The following AXIN2 variants were observed in gnomAD, a reference collection of about 807,000 sequenced individuals.
The protein encoded by AXIN2 is axin-2.
In AXIN2, 21 loss-of-function variants were observed where a neutral mutation model predicts 74.7. The ratio of observed to expected loss-of-function variants is 0.28; its 90% CI spans 0.20 to 0.40. The LOEUF is 0.40. Ranked by LOEUF, AXIN2 falls within the 10% of genes least tolerant of loss-of-function variation. The probability of loss-of-function intolerance (pLI) is 1.00; values close to 1 mark genes in which losing one functional copy is unlikely to be tolerated. For synonymous variants in AXIN2, 532 were observed against 454.9 expected, an observed-to-expected ratio of 1.17 and a Z score of -2.16; for missense variants, 1,144 against 1,111.1, an observed-to-expected ratio of 1.03 and a Z score of -0.42.
chr17:65,534,274 C>T (rs549946823), intron 9 of AXIN2, among the ~76,000 whole-genome samples, 195 bp from the exon 10 acceptor site: 14 of 152,250 alleles, frequency 9.2e-5, no homozygotes, highest in African/African-American at 1.4e-4. Flanking sequence ...CACAGTCCAA[C>T]CCCACATGTG....
At position 65,528,822 on chromosome 17, in the gene AXIN2, G is replaced by A. The variant is rs971051447; in HGVS notation, c.*1154C>T. Reference sequence around the variant, plus strand: ...GACACACGGAGCGGGTGACCGTGCAGGTACAGGTACTGTACTGATTTAAAG... The same window carrying A: ...GACACACGGAGCGGGTGACCGTGCAAGTACAGGTACTGTACTGATTTAAAG... On this transcript the variant is annotated 3_prime_UTR_variant, in exon 11 of 11. Transcript: ENST00000307078. The A allele has an allele frequency of 1.1e-5, 5 of 465,998 alleles. No homozygotes were observed. Among genetic ancestry groups the A allele is most frequent in the African/African-American group, 2.0e-5 (1 of 50,820 alleles). The allele number at this position is 465,998 out of a possible 1,614,324, so 28.9% of individuals were successfully genotyped here.
In AXIN2 at chr17:65,538,303, G is replaced by T. The variant is rs1330131800; in HGVS notation, c.1100C>A (p.Pro367His). Residue 367 changes from proline (P) to histidine (H), a missense_variant, in exon 5 of 11, where the codon CCC becomes CAC. Physicochemically the swap from Pro to His is moderately conservative, Grantham distance 77 (BLOSUM62 -2). Around this residue, in one of 4 missense-constraint regions of AXIN2, gnomAD observed 1,053 missense variants for 973.5 expected, o/e 1.08. Coordinates refer to ENST00000307078, the MANE Select transcript of AXIN2 (RefSeq NM_004655.4). ...GATCAGCTCAGCTGCAAAGGTGGCG[G>T]GTTCCACGGGGGTCATCTCCTTGGG... Reference protein sequence around the residue: ...RLPKEMTPVEPATFAAELISR... With the variant: ...RLPKEMTPVEHATFAAELISR... 7 of 1,614,092 alleles carry T rather than the reference G, an allele frequency of 4.3e-6. No individual in the cohort carries two copies. The highest frequency in any genetic ancestry group is 1.7e-6 in the Non-Finnish European group (2 of 1,180,050).
rs751199831 is a variant in AXIN2, at chr17:65,529,954, C to G, written c.*22G>C. On this transcript the variant is annotated 3_prime_UTR_variant, in exon 11 of 11. Coordinates refer to ENST00000307078, the MANE Select transcript of AXIN2 (RefSeq NM_004655.4). Reference sequence around the variant, plus strand: ...ACAAGAGCTTCGGGCTCCAACAGTTCACCAAAGCCAGACCCCAGGGCTCAA... The same window carrying G: ...ACAAGAGCTTCGGGCTCCAACAGTTGACCAAAGCCAGACCCCAGGGCTCAA... 28 of 1,613,978 alleles carry G rather than the reference C, an allele frequency of 1.7e-5. No individual in the cohort carries two copies. The East Asian group carries it at 6.0e-4, about 35-fold the overall frequency.
chr17:65,541,624 C>A (rs1032224912), intron 3 of AXIN2, 67 bp from the exon 4 acceptor site: 5 of 1,283,678 alleles, frequency 3.9e-6, no homozygotes, highest in Non-Finnish European at 4.5e-6. Context: ...ACATGGGCTA[C>A]TGTCATATGC....
intron 2 of AXIN2, among the ~76,000 whole-genome samples, chr17:65,553,095 C>G (rs1481437607): frequency 6.6e-6 from 1 of 152,200 alleles, no homozygotes; most frequent in Non-Finnish European, 1.5e-5. Context: ...TAATTTCCTT[C>G]ATCATCTTTA....
At chr17:65,555,358 A>G (rs1485738544) in intron 2 of AXIN2, among the ~76,000 whole-genome samples, 2 of 152,138 alleles carry the variant, frequency 1.3e-5, no homozygotes, top group Non-Finnish European at 2.9e-5. Flanking sequence ...GGGAACTTAA[A>G]CCTTAGATGG....
At chr17:65,548,019 A>C (rs2044140392) in intron 3 of AXIN2, among the ~76,000 whole-genome samples, 1 of 152,244 alleles carries the variant, frequency 6.6e-6, no homozygotes, top group Admixed American at 6.5e-5. Context: ...TATTCTAAGA[A>C]ATATGTCCAC....
At chr17:65,549,714 G>A in intron 2 of AXIN2, 54 bp from the exon 3 acceptor site, 3 of 1,560,198 alleles carry the variant, frequency 1.9e-6, no homozygotes, top group South Asian at 2.4e-5. Context: ...AGAAACCCAG[G>A]TAATCAGGTG....
chr17:65,539,164 T>G (rs1302401496), intron 4 of AXIN2, among the ~76,000 whole-genome samples: 1 of 152,170 alleles, frequency 6.6e-6, no homozygotes, highest in Non-Finnish European at 1.5e-5. Context: ...GTCCTTTTCC[T>G]GTCATCTCGC....
rs1226661498 is a variant in AXIN2 at position 65,537,335 on chromosome 17, G to A, written c.1701C>T (p.Ser567=). ...CGCCCGGCACTTACCCAAACTGCTC[G>A]CTGGGCATGGTTTCCGGAGCCTTGG... ...SHSKAPETMP[S]EQFGGSRGST... is the part of the protein sequence containing the mutation. The change falls in exon 6 of 11, where the codon AGC becomes AGT. Residue 567 remains serine, a synonymous_variant. Coordinates refer to ENST00000307078, the MANE Select transcript of AXIN2 (RefSeq NM_004655.4). The A allele has an allele frequency of 1.9e-6, 3 of 1,613,956 alleles. No individual in the cohort carries two copies. In the African/African-American group the frequency reaches 4.0e-5, roughly 22 times the overall value.
chr17:65,536,784 G>A (rs1478895738), intron 7 of AXIN2, 85 bp downstream of exon 7: 3 of 1,567,618 alleles, frequency 1.9e-6, no homozygotes, highest in East Asian at 4.5e-5. Context: ...GTATTCCGCG[G>A]ACTGCAAAAA....
rs1438629010 is a variant in AXIN2, at chr17:65,535,969, G to T, written c.2142-248C>A. ...TTCTCAGCCCCAGCAAAGGGCTGAG[G>T]ACTCTTGATCCTCCATCTCACAGCT... is the stretch of plus-strand genomic sequence containing the variant. On this transcript the variant is annotated intron_variant, in intron 8 of 10. Coordinates refer to ENST00000307078, the MANE Select transcript of AXIN2 (RefSeq NM_004655.4). Among the ~76,000 whole-genome samples, 3 of 152,154 alleles carry T rather than the reference G, an allele frequency of 2.0e-5. 1 individual carries two copies. The East Asian group carries it at 5.8e-4, about 29-fold the overall frequency.
At chr17:65,559,020 AG>A (rs2044321164) in intron 1 of AXIN2, among the ~76,000 whole-genome samples, 1 of 152,034 alleles carries the variant, frequency 6.6e-6, no homozygotes, top group Non-Finnish European at 1.5e-5. Flanking sequence ...TGGGGACGGC[AG>A]GGGGACACTG....
At chr17:65,537,225 A>C (rs1014015575) in intron 6 of AXIN2, 99 bp downstream of exon 6, 2 of 1,583,096 alleles carry the variant, frequency 1.3e-6, no homozygotes, top group Admixed American at 3.3e-5. Flanking sequence ...CCCTCTTAGA[A>C]ACTAAATGCC....
rs747555966 is a variant in AXIN2 at position 65,537,803 on chromosome 17, G to C, written c.1233C>G (p.Leu411=). 3.8e-6 allele frequency: 6 copies of C among 1,585,592 alleles called. No homozygotes were observed. The South Asian group carries it at 5.8e-5, about 15-fold the overall frequency. Residue 411 remains leucine (L), a synonymous_variant, in exon 6 of 11, where the codon CTC becomes CTG. Transcript: ENST00000307078. ...DEEREGSELT[L]NSREGAPTQH... is the part of the protein sequence containing the mutation. The stretch of plus-strand genomic sequence containing the variant: ...GCGTGGGCGCCCCCTCCCGCGAATT[G>C]AGTGTGAGCTCGGAGCCCTCTCTCT...
chr17:65,529,884 T>G lies in AXIN2; in HGVS notation c.*92A>C. ...TTTGTCTTCTTCATTGGTTTAATTT[T>G]CCTTCAAAATGTTTTGTCGCAGTTG... On this transcript the variant is annotated 3_prime_UTR_variant, in exon 11 of 11. Coordinates refer to ENST00000307078, the MANE Select transcript of AXIN2 (RefSeq NM_004655.4). 6.2e-7 allele frequency: 1 copy of G among 1,606,742 alleles called. No homozygotes were observed. Among genetic ancestry groups the G allele is most frequent in the Non-Finnish European group, 8.5e-7 (1 of 1,175,844 alleles).
At chr17:65,531,233 T>C (rs927094901) in intron 10 of AXIN2, among the ~76,000 whole-genome samples, 1 of 152,056 alleles carries the variant, frequency 6.6e-6, no homozygotes, top group Non-Finnish European at 1.5e-5. Context: ...TAGAGCTCAA[T>C]TTTTTCCCTC....
At chr17:65,539,429 C>T (rs1443599190) in intron 4 of AXIN2, among the ~76,000 whole-genome samples, 4 of 152,308 alleles carry the variant, frequency 2.6e-5, no homozygotes, top group East Asian at 3.9e-4. Context: ...CTGATCAAAG[C>T]GCTGCCTGAT....
chr17:65,549,721 G>C, intron 2 of AXIN2, 61 bp from the exon 3 acceptor site: 2 of 1,553,766 alleles, frequency 1.3e-6, no homozygotes, highest in Non-Finnish European at 1.7e-6. Flanking sequence ...CAGGTAATCA[G>C]GTGACCCCAG....
Sources: allele counts gnomAD v4.1 joint callset (sites outside exome capture counted in the v4.1 genomes callset), GRCh38; gene constraint gnomAD v4.1.1; regional missense constraint gnomAD v4.1.1; transcripts MANE v1.5; gene names NCBI Gene and HGNC (gene_info 2026-07-23, HGNC 2026-07-21).